ALOX5AP: variants seen among roughly 807,000 people sequenced by gnomAD.
The protein encoded by ALOX5AP is arachidonate 5-lipoxygenase activating protein, also known as arachidonate 5-lipoxygenase-activating protein.
In ALOX5AP, 9 loss-of-function variants were observed where a neutral mutation model predicts 18.5. The ratio of observed to expected loss-of-function variants is 0.49; its 90% CI spans 0.29 to 0.85. ALOX5AP has a LOEUF of 0.85. Ranked by LOEUF, ALOX5AP falls within the 40% of genes least tolerant of loss-of-function variation. The probability of loss-of-function intolerance (pLI) is 0.08; values close to 1 mark genes in which losing one functional copy is unlikely to be tolerated. For missense variants in ALOX5AP, 172 were observed against 202.5 expected (o/e 0.85, Z 0.91); for synonymous variants, 81 against 78.6 (o/e 1.03, Z -0.16).
intron 1 of ALOX5AP, among the ~76,000 whole-genome samples, chr13:30,737,015 T>G (rs1288193962): frequency 6.6e-6 from 1 of 152,202 alleles, no homozygotes; most frequent in Admixed American, 6.5e-5. Flanking sequence ...GATGGACAGG[T>G]CAGCCTGCAG....
chr13:30,738,797 G>A (rs1056392372), intron 1 of ALOX5AP, among the ~76,000 whole-genome samples: 3 of 152,132 alleles, frequency 2.0e-5, no homozygotes, highest in African/African-American at 7.2e-5. Context: ...GAGCTGGCAG[G>A]CATTAGCAGC....
At chr13:30,734,903 A>C (rs1444176867), upstream of ALOX5AP, among the ~76,000 whole-genome samples, 1 of 152,144 alleles carries the variant, frequency 6.6e-6, no homozygotes, top group African/African-American at 2.4e-5. Flanking sequence ...ACCGTGTGTT[A>C]AGTGTTCACT....
chr13:30,722,456 C>G (rs1210806808), intron 1 of ALOX5AP, among the ~76,000 whole-genome samples: 1 of 152,096 alleles, frequency 6.6e-6, no homozygotes, highest in Non-Finnish European at 1.5e-5. Flanking sequence ...TTAATCCTAA[C>G]TGATATTAAC....
chr13:30,733,756 G>A (rs1295159863), upstream of ALOX5AP, among the ~76,000 whole-genome samples: 3 of 152,224 alleles, frequency 2.0e-5, no homozygotes, highest in Non-Finnish European at 4.4e-5. Flanking sequence ...AGAACAAAAA[G>A]CGGGCAGAAG....
At chr13:30,726,587 T>C (rs1379858596) in intron 1 of ALOX5AP, among the ~76,000 whole-genome samples, 1 of 152,226 alleles carries the variant, frequency 6.6e-6, no homozygotes, top group East Asian at 1.9e-4. Flanking sequence ...TAGTTATAAA[T>C]GTAAGTCAAA....
At chr13:30,737,534 A>G (rs1951730902) in intron 1 of ALOX5AP, among the ~76,000 whole-genome samples, 1 of 152,226 alleles carries the variant, frequency 6.6e-6, no homozygotes, top group South Asian at 2.1e-4. Flanking sequence ...ATGGAGATCT[A>G]GACTTTTTAC....
intron 2 of ALOX5AP, among the ~76,000 whole-genome samples, chr13:30,748,724 C>T (rs1951828697): frequency 6.6e-6 from 1 of 152,252 alleles, no homozygotes; most frequent in African/African-American, 2.4e-5. Flanking sequence ...CCAGGTGGCA[C>T]TTCACCTTGT....
chr13:30,721,925 A>G (rs1297938428), intron 1 of ALOX5AP, among the ~76,000 whole-genome samples: 3 of 152,194 alleles, frequency 2.0e-5, no homozygotes, highest in Admixed American at 6.5e-5. Flanking sequence ...TGCCAAGACA[A>G]CACTTCCTCT....
chr13:30,714,926 C>T (rs1024857202), intron 1 of ALOX5AP, among the ~76,000 whole-genome samples: 6 of 152,186 alleles, frequency 3.9e-5, no homozygotes, highest in Admixed American at 6.5e-5. Flanking sequence ...CCGCTTAGAG[C>T]TGTGTCAAGG....
chr13:30,763,672 T>A (rs9740199), intron 4 of ALOX5AP, among the ~76,000 whole-genome samples: 11,038 of 152,218 alleles, frequency 0.073, 590 homozygotes, highest in African/African-American at 0.14. Context: ...AAGGAAATCA[T>A]GAGAGCACAG....
At chr13:30,744,305 G>C in intron 2 of ALOX5AP, 146 bp downstream of exon 2, 1 of 667,442 alleles carries the variant, frequency 1.5e-6, no homozygotes, top group Non-Finnish European at 2.6e-6. Context: ...GACTTCACCA[G>C]AGAGGCTTTG....
chr13:30,754,690 C>T (rs141277865), intron 3 of ALOX5AP, among the ~76,000 whole-genome samples: 10 of 152,364 alleles, frequency 6.6e-5, no homozygotes, highest in East Asian at 3.9e-4. Context: ...TCAAATTCCA[C>T]GCCTTCACTG....
chr13:30,729,739 T>C (rs1593430347), intron 1 of ALOX5AP, among the ~76,000 whole-genome samples: 1 of 152,104 alleles, frequency 6.6e-6, no homozygotes, highest in Admixed American at 6.6e-5. Context: ...ACTATGCCCA[T>C]CTAATTTTTG....
intron 4 of ALOX5AP, among the ~76,000 whole-genome samples, chr13:30,763,352 C>A (rs1951959908): frequency 6.6e-6 from 1 of 152,154 alleles, no homozygotes; most frequent in Non-Finnish European, 1.5e-5. Context: ...AAAACCAAGT[C>A]TCTCCCTCCA....
chr13:30,764,114 C>T lies in ALOX5AP; in HGVS notation c.*8C>T, dbSNP rs772284973. On this transcript the variant is annotated 3_prime_UTR_variant, in exon 5 of 5. Transcript: ENST00000380490. Reference sequence around the variant, plus strand: ...CTACTTCTCATTCCCTAACTCTCTGCTGAATATGGGGTTGGTGTTCTCATC... The same window carrying T: ...CTACTTCTCATTCCCTAACTCTCTGTTGAATATGGGGTTGGTGTTCTCATC... 2.5e-6 allele frequency: 4 copies of T among 1,612,740 alleles called. No individual in the cohort carries two copies. In the Admixed American group the frequency reaches 5.0e-5, roughly 20 times the overall value.
chr13:30,728,386 C>G (rs1331996703), intron 1 of ALOX5AP, among the ~76,000 whole-genome samples: 2 of 152,238 alleles, frequency 1.3e-5, no homozygotes, highest in East Asian at 3.8e-4. Context: ...CAAAAATACA[C>G]TCAGACTGTT....
At chr13:30,714,633 G>A (rs1007123709) in intron 1 of ALOX5AP, among the ~76,000 whole-genome samples, 2 of 151,454 alleles carry the variant, frequency 1.3e-5, no homozygotes, top group East Asian at 3.9e-4. Context: ...AGGACCTAGC[G>A]CATAGTCTCC....
At chr13:30,718,372 C>A (rs867233284) in intron 1 of ALOX5AP, among the ~76,000 whole-genome samples, 30 of 88,294 alleles carry the variant, frequency 3.4e-4, no homozygotes, top group African/African-American at 1.3e-3. Flanking sequence ...GAAAACCTAT[C>A]ACAGATATGC....
rs150817034 is a variant in ALOX5AP, at chr13:30,722,983, A to G, written c.116+9142A>G. 3.7e-3 allele frequency among the ~76,000 whole-genome samples: 562 copies of G among 152,314 alleles called. 18 individuals carry two copies. Among genetic ancestry groups the G allele is most frequent in the Admixed American group, 0.03 (455 of 15,296 alleles). On this transcript the variant is annotated intron_variant, in intron 1 of 5. Coordinates refer to the ALOX5AP transcript ENST00000617770. ...TGCTTCTTGTACAGCCTGCAGAACCATGAGCCAAATCAACTTCTTTTCTTT... is the reference window on the plus strand; with the variant it reads ...TGCTTCTTGTACAGCCTGCAGAACCGTGAGCCAAATCAACTTCTTTTCTTT...
Sources: allele counts gnomAD v4.1 joint callset (sites outside exome capture counted in the v4.1 genomes callset), GRCh38; gene constraint gnomAD v4.1.1; transcripts MANE v1.5; gene names NCBI Gene and HGNC (gene_info 2026-07-23, HGNC 2026-07-21).